The following ME1 variants were observed in gnomAD, a reference collection of about 807,000 sequenced individuals.
The protein encoded by ME1 is malic enzyme 1, also known as NADP-dependent malic enzyme.
A neutral mutation model predicts 66.4 loss-of-function variants in ME1; 74 were observed. That is an observed-to-expected ratio of 1.11 (90% CI 0.92 to 1.35). The LOEUF is 1.35. Among genes scored for constraint, ME1 ranks in the 40% most tolerant of loss-of-function variants. ME1 has a pLI of 0.00. For synonymous variants in ME1, 251 were observed against 235.6 expected (o/e 1.07, Z -0.60); for missense variants, 750 against 694.1 (o/e 1.08, Z -0.90).
chr6:83,220,925 C>T (rs1025503308), intron 12 of ME1, among the ~76,000 whole-genome samples: 2 of 152,096 alleles, frequency 1.3e-5, no homozygotes, highest in Non-Finnish European at 2.9e-5. Context: ...CTTTGGGAGG[C>T]CGAGTCAGGC....
intron 9 of ME1, among the ~76,000 whole-genome samples, chr6:83,235,822 T>C (rs7770060): frequency 0.054 from 8,235 of 152,230 alleles, 714 homozygotes; most frequent in African/African-American, 0.18. Context: ...CCTCTGTCTT[T>C]ATATATACTT....
intron 10 of ME1, among the ~76,000 whole-genome samples, chr6:83,228,016 A>C (rs931496336): frequency 6.6e-6 from 1 of 152,250 alleles, no homozygotes; most frequent in African/African-American, 2.4e-5. Flanking sequence ...AACACTTAGT[A>C]AAGTTCCTGT....
chr6:83,409,056 T>C (rs189527013), intron 1 of ME1, among the ~76,000 whole-genome samples: 2 of 152,090 alleles, frequency 1.3e-5, no homozygotes, highest in African/African-American at 2.4e-5. Context: ...TCAGAGAGCT[T>C]TTCACCCCTT....
intron 5 of ME1, among the ~76,000 whole-genome samples, chr6:83,316,806 T>C (rs1056346239): frequency 6.6e-6 from 1 of 151,946 alleles, no homozygotes; most frequent in Non-Finnish European, 1.5e-5. Context: ...AAATAAAATA[T>C]ACAACTCCAT....
At chr6:83,374,527 T>C (rs1562493558) in intron 3 of ME1, among the ~76,000 whole-genome samples, 1 of 152,176 alleles carries the variant, frequency 6.6e-6, no homozygotes, top group Non-Finnish European at 1.5e-5. Context: ...TTGCAAAAAT[T>C]TTCTCCCATT....
chr6:83,249,231 A>G (rs1790677643), intron 7 of ME1, among the ~76,000 whole-genome samples: 1 of 151,680 alleles, frequency 6.6e-6, no homozygotes, highest in South Asian at 2.1e-4. Flanking sequence ...ATTATTATAT[A>G]TATACTTTTT....
chr6:83,416,230 C>A (rs944663560), intron 1 of ME1, among the ~76,000 whole-genome samples: 23 of 152,172 alleles, frequency 1.5e-4, no homozygotes, highest in African/African-American at 5.5e-4. Flanking sequence ...AAAAATGAGA[C>A]CAGGTGTTTT....
At chr6:83,402,316 G>C (rs575447898) in intron 2 of ME1, among the ~76,000 whole-genome samples, 2 of 152,212 alleles carry the variant, frequency 1.3e-5, no homozygotes, top group East Asian at 3.9e-4. Flanking sequence ...GGAATCAAGG[G>C]GTGGAAATGG....
chr6:83,249,318 T>C (rs1790680328), intron 7 of ME1, among the ~76,000 whole-genome samples: 1 of 152,010 alleles, frequency 6.6e-6, no homozygotes, highest in African/African-American at 2.4e-5. Context: ...CTCAGCTTGC[T>C]GAAACCTCCA....
intron 3 of ME1, among the ~76,000 whole-genome samples, chr6:83,380,206 T>C (rs1308153349): frequency 2.6e-5 from 4 of 152,038 alleles, no homozygotes; most frequent in African/African-American, 7.2e-5. Flanking sequence ...AAATAGATTG[T>C]GAAAATGCCC....
chr6:83,333,373 A>G (rs1381196369), intron 5 of ME1, among the ~76,000 whole-genome samples: 1 of 152,206 alleles, frequency 6.6e-6, no homozygotes, highest in Non-Finnish European at 1.5e-5. Flanking sequence ...TACATTTTAA[A>G]TGAACTCATA....
At position 83,349,006 on chromosome 6, in the gene ME1, A is replaced by C. The variant is rs1220645707; in HGVS notation, c.439-2672T>G. On this transcript the variant is annotated intron_variant, in intron 4 of 13. Transcript: ENST00000369705. The stretch of plus-strand genomic sequence containing the variant: ...TCTCAAAAAAAAAAAAAAAAACAAA[A>C]AACAAAAAACAGTGCATTCTTTCTT... Among the ~76,000 whole-genome samples the C allele has an allele frequency of 6.5e-4, 96 of 148,110 alleles. 3 individuals are homozygous for C. Among genetic ancestry groups the C allele is most frequent in the African/African-American group, 2.4e-3 (95 of 39,766 alleles).
intron 1 of ME1, among the ~76,000 whole-genome samples, chr6:83,411,152 G>A (rs1770041853): frequency 6.6e-6 from 1 of 152,050 alleles, no homozygotes; most frequent in Non-Finnish European, 1.5e-5. Context: ...GCCAGGGCAG[G>A]CGGGAGTTTG....
chr6:83,242,619 C>T (rs1413168456), intron 7 of ME1, among the ~76,000 whole-genome samples: 1 of 152,078 alleles, frequency 6.6e-6, no homozygotes, highest in East Asian at 1.9e-4. Context: ...AGGGATGACT[C>T]CCTGTTAGAA....
At chr6:83,247,784 C>G (rs547613127) in intron 7 of ME1, among the ~76,000 whole-genome samples, 1 of 152,278 alleles carries the variant, frequency 6.6e-6, no homozygotes, top group East Asian at 1.9e-4. Flanking sequence ...TTGGTCATTT[C>G]TAGTCAGAAC....
chr6:83,349,574 T>C (rs2128544280), intron 4 of ME1, among the ~76,000 whole-genome samples: 1 of 152,318 alleles, frequency 6.6e-6, no homozygotes, highest in South Asian at 2.1e-4. Context: ...CCTGTCTTCA[T>C]CCCTTCATTT....
At chr6:83,270,097 A>C (rs1291064330) in intron 6 of ME1, among the ~76,000 whole-genome samples, 1 of 152,142 alleles carries the variant, frequency 6.6e-6, no homozygotes, top group Non-Finnish European at 1.5e-5. Flanking sequence ...AGTACATCAA[A>C]AAATGGTGCT....
intron 7 of ME1, among the ~76,000 whole-genome samples, chr6:83,243,839 TA>T (rs1400996067): frequency 1.9e-4 from 25 of 132,622 alleles, no homozygotes; most frequent in African/African-American, 6.2e-4. Flanking sequence ...ATATATAATA[TA>T]AATTATATAT....
chr6:83,330,086 T>G (rs1209119271), intron 5 of ME1, among the ~76,000 whole-genome samples: 2 of 152,172 alleles, frequency 1.3e-5, no homozygotes, highest in African/African-American at 2.4e-5. Context: ...TCCTAAAGTG[T>G]TGGGATTACA....
Sources: allele counts gnomAD v4.1 joint callset (sites outside exome capture counted in the v4.1 genomes callset), GRCh38; gene constraint gnomAD v4.1.1; transcripts MANE v1.5; gene names NCBI Gene and HGNC (gene_info 2026-07-23, HGNC 2026-07-21).